The following PAX8 variants were observed in gnomAD, a reference collection of about 807,000 sequenced individuals.
PAX8 encodes paired box protein Pax-8.
Under a neutral mutation model 52.4 loss-of-function variants are expected in PAX8, and 15 were observed. The observed-to-expected ratio is 0.29, with a 90% CI of 0.19 to 0.44. The LOEUF is 0.44. Ranked by LOEUF, PAX8 falls within the 20% of genes least tolerant of loss-of-function variation. The pLI is 1.00. For synonymous variants in PAX8, 284 were observed against 249.7 expected (o/e 1.14, Z -1.29); for missense variants, 554 against 602.5 (o/e 0.92, Z 0.84).
intron 1 of PAX8, 139 bp downstream of exon 1, chr2:113,278,692 C>A (rs1340196486): frequency 3.2e-6 from 2 of 623,154 alleles, no homozygotes; most frequent in Non-Finnish European, 5.2e-6. Context: ...AACCTCCGTG[C>A]CCACTCCCTC....
intron 5 of PAX8, 152 bp downstream of exon 5, chr2:113,242,538 G>C: frequency 1.4e-6 from 1 of 728,340 alleles, no homozygotes; most frequent in South Asian, 1.5e-5. Flanking sequence ...CGTCGCAGTG[G>C]CACAACTCAG....
At chr2:113,254,454 TG>T (rs535044849) in intron 2 of PAX8, among the ~76,000 whole-genome samples, 354 of 152,276 alleles carry the variant, frequency 2.3e-3, no homozygotes, top group Middle Eastern at 6.8e-3. Flanking sequence ...CTAAATGACA[TG>T]TAACCTGAGT....
At chr2:113,254,622 A>T (rs184561605) in intron 2 of PAX8, among the ~76,000 whole-genome samples, 1 of 152,180 alleles carries the variant, frequency 6.6e-6, no homozygotes, top group Admixed American at 6.5e-5. Flanking sequence ...AAGGCATGGC[A>T]TCATTTTCTT....
chr2:113,262,374 G>T (rs12478795), intron 2 of PAX8, among the ~76,000 whole-genome samples: 1 of 151,888 alleles, frequency 6.6e-6, no homozygotes, highest in African/African-American at 2.4e-5. Context: ...GCTTGGGAGG[G>T]GGAGTCCCCT....
At chr2:113,255,562 C>T (rs953800165) in intron 2 of PAX8, 1 of 152,532 alleles carries the variant, frequency 6.6e-6, no homozygotes, top group East Asian at 1.9e-4. Flanking sequence ...GAGTGCTTGC[C>T]AGGCTCACAC....
intron 7 of PAX8, chr2:113,238,717 T>C (rs1690568531): frequency 6.6e-6 from 1 of 152,220 alleles, no homozygotes; most frequent in Non-Finnish European, 1.5e-5. Context: ...TTGACTGCTC[T>C]GAACCTTAAT....
intron 9 of PAX8, among the ~76,000 whole-genome samples, chr2:113,228,937 T>C (rs1452809900): frequency 6.6e-6 from 1 of 152,212 alleles, no homozygotes; most frequent in Non-Finnish European, 1.5e-5. Context: ...TTTCTGGAGA[T>C]TCCCCAAAGA....
At chr2:113,274,305 T>C (rs1217002101) in intron 2 of PAX8, 1 of 152,124 alleles carries the variant, frequency 6.6e-6, no homozygotes, top group Non-Finnish European at 1.5e-5. Flanking sequence ...AAAATTCTCC[T>C]CTTTTTTTTT....
chr2:113,226,947 C>T (rs912239362), intron 10 of PAX8: 11 of 1,472,982 alleles, frequency 7.5e-6, no homozygotes, highest in African/African-American at 2.8e-5. Flanking sequence ...AGAAGGAGGC[C>T]GAGCTGGGGC....
intron 3 of PAX8, among the ~76,000 whole-genome samples, 157 bp from the exon 4 acceptor site, chr2:113,244,781 G>A (rs1691171426): frequency 6.6e-6 from 1 of 152,148 alleles, no homozygotes; most frequent in Non-Finnish European, 1.5e-5. Flanking sequence ...GATGTGCATG[G>A]AACTATCTGT....
chr2:113,278,441 C>G lies in PAX8; in HGVS notation c.-47G>C, dbSNP rs201107196. 25 of 1,608,570 alleles carry G rather than the reference C, an allele frequency of 1.6e-5. No homozygotes were observed. The highest frequency in any genetic ancestry group is 8.3e-5 in the Admixed American group (5 of 59,938). Reference sequence around the variant, plus strand: ...CCGCCGAGGGCTCGGGGCTTCCTCCCGTAGGTCCGGGCCGCGCCTGCCGCT... The same window carrying G: ...CCGCCGAGGGCTCGGGGCTTCCTCCGGTAGGTCCGGGCCGCGCCTGCCGCT... On this transcript the variant is annotated 5_prime_UTR_variant, in exon 2 of 12. Transcript: ENST00000429538.
chr2:113,231,092 T>C (rs1459766028), intron 9 of PAX8, among the ~76,000 whole-genome samples: 2 of 152,222 alleles, frequency 1.3e-5, no homozygotes, highest in South Asian at 2.1e-4. Context: ...ACTATTTTAT[T>C]TTCCCCCTTT....
chr2:113,228,320 T>C (rs1439482521), intron 9 of PAX8, among the ~76,000 whole-genome samples: 2 of 152,224 alleles, frequency 1.3e-5, no homozygotes, highest in African/African-American at 4.8e-5. Context: ...ATGACCAGTA[T>C]CCCAGCATAT....
At chr2:113,223,736 AAATT>A (rs1218802589) in intron 10 of PAX8, among the ~76,000 whole-genome samples, 1 of 152,212 alleles carries the variant, frequency 6.6e-6, no homozygotes, top group Non-Finnish European at 1.5e-5. Flanking sequence ...CACAGACAAT[AAATT>A]ATTATGTTCA....
At chr2:113,278,753 C>T (rs1694005343) in intron 1 of PAX8, 78 bp downstream of exon 1, 3 of 729,856 alleles carry the variant, frequency 4.1e-6, no homozygotes, top group African/African-American at 3.6e-5. Flanking sequence ...GGCTGCCAGG[C>T]ATCCTGGGAC....
intron 10 of PAX8, among the ~76,000 whole-genome samples, chr2:113,224,541 C>T (rs1353281926): frequency 1.6e-4 from 21 of 132,978 alleles, no homozygotes; most frequent in African/African-American, 5.8e-5. Context: ...AGCAAGACTC[C>T]GTCTCCAAAA....
At chr2:113,257,798 T>C (rs537986318) in intron 2 of PAX8, among the ~76,000 whole-genome samples, 2 of 152,328 alleles carry the variant, frequency 1.3e-5, no homozygotes, top group East Asian at 1.9e-4. Context: ...GCCAGTATTA[T>C]GGGAGGTGCT....
chr2:113,264,992 C>A (rs6542126), intron 2 of PAX8, among the ~76,000 whole-genome samples: 22,289 of 152,182 alleles, frequency 0.15, 1,639 homozygotes, highest in African/African-American at 0.17. Flanking sequence ...TCGGATTGTA[C>A]ATCAGCAGTT....
intron 3 of PAX8, among the ~76,000 whole-genome samples, chr2:113,245,208 G>A (rs1030212130): frequency 4.0e-5 from 6 of 151,866 alleles, no homozygotes; most frequent in African/African-American, 1.2e-4. Context: ...CACCACACCC[G>A]GCTAATTTTT....
Sources: allele counts gnomAD v4.1 joint callset (sites outside exome capture counted in the v4.1 genomes callset), GRCh38; gene constraint gnomAD v4.1.1; transcripts MANE v1.5; gene names NCBI Gene and HGNC (gene_info 2026-07-23, HGNC 2026-07-21).